PSPC1: variants seen among roughly 807,000 people sequenced by gnomAD.
PSPC1 encodes paraspeckle component 1.
Under a neutral mutation model 51.6 loss-of-function variants are expected in PSPC1, and 14 were observed. That is an observed-to-expected ratio of 0.27 (90% CI 0.18 to 0.42). The LOEUF is 0.42. Among genes scored for constraint, PSPC1 ranks in the 10% least tolerant of loss-of-function variants. The pLI is 1.00. For missense variants in PSPC1, 406 were observed against 701.1 expected, an observed-to-expected ratio of 0.58 and a Z score of 4.75; for synonymous variants, 193 against 231.9, an observed-to-expected ratio of 0.83 and a Z score of 1.53.
chr13:19,690,000 C>T (rs530014816), intron 6 of PSPC1, among the ~76,000 whole-genome samples: 17 of 152,268 alleles, frequency 1.1e-4, no homozygotes, highest in Admixed American at 2.0e-4. Flanking sequence ...TTAAGAACTC[C>T]TCAGAGTATC....
chr13:19,742,481 G>A (rs1021024270), intron 4 of PSPC1, among the ~76,000 whole-genome samples: 1 of 151,682 alleles, frequency 6.6e-6, no homozygotes, highest in African/African-American at 2.4e-5. Flanking sequence ...CCTCACAGGT[G>A]GAATCTCAAC....
At chr13:19,755,375 G>A (rs1886967215) in intron 3 of PSPC1, among the ~76,000 whole-genome samples, 3 of 152,068 alleles carry the variant, frequency 2.0e-5, no homozygotes, top group African/African-American at 7.2e-5. Flanking sequence ...AGATCACAAG[G>A]TCGGGAGTTC....
In PSPC1 at chr13:19,782,554, C is replaced by T. The variant is rs760326518; in HGVS notation, c.204G>A (p.Lys68=). Residue 68 remains lysine (K), a synonymous_variant, in exon 1 of 9, where the codon AAG becomes AAA. Coordinates refer to ENST00000338910, the MANE Select transcript of PSPC1 (RefSeq NM_001354909.2). The surrounding 1 kb of genome is among the most constrained non-coding windows in gnomAD (Gnocchi z 4.5). ...DEEMGFTIDI[K]SFLKPGEKTY... is the part of the protein sequence containing the mutation. ...TCTTCTCGCCCGGCTTGAGGAAACT[C>T]TTGATGTCGATAGTGAACCCCATCT... 6.2e-7 allele frequency: 1 copy of T among 1,612,128 alleles called. No individual in the cohort carries two copies. The highest frequency in any genetic ancestry group is 8.5e-7 in the Non-Finnish European group (1 of 1,179,228).
chr13:19,696,475 A>G (rs1178275225), intron 6 of PSPC1, among the ~76,000 whole-genome samples: 1 of 151,204 alleles, frequency 6.6e-6, no homozygotes, highest in Non-Finnish European at 1.5e-5. Flanking sequence ...CATAATTTTG[A>G]GTAGGCCTTT....
At chr13:19,742,974 G>A (rs1885587942) in intron 4 of PSPC1, among the ~76,000 whole-genome samples, 1 of 152,104 alleles carries the variant, frequency 6.6e-6, no homozygotes, top group Non-Finnish European at 1.5e-5. Flanking sequence ...GATAAATGCT[G>A]ATATAAACAA....
chr13:19,709,158 C>CA (rs11446310), intron 7 of PSPC1, among the ~76,000 whole-genome samples: 56,527 of 83,730 alleles, frequency 0.68, 20,223 homozygotes, highest in East Asian at 0.84. Context: ...GGTCCTGCCT[C>CA]AAAAAAAAAA....
At chr13:19,771,433 T>C (rs1482493019) in intron 2 of PSPC1, among the ~76,000 whole-genome samples, 1 of 152,016 alleles carries the variant, frequency 6.6e-6, no homozygotes, top group Non-Finnish European at 1.5e-5. Context: ...CCACCGCGCC[T>C]GGCCCAAGGT....
intron 6 of PSPC1, among the ~76,000 whole-genome samples, chr13:19,716,461 TTGAG>T (rs1317362498): frequency 2.0e-5 from 3 of 152,192 alleles, no homozygotes; most frequent in Non-Finnish European, 4.4e-5. Context: ...TAACTCTTGT[TTGAG>T]TGAATGCAAT....
At chr13:19,746,940 T>C (rs1886058101) in intron 4 of PSPC1, among the ~76,000 whole-genome samples, 1 of 152,016 alleles carries the variant, frequency 6.6e-6, no homozygotes, top group South Asian at 2.1e-4. Context: ...AGAAACCCCA[T>C]CTCTACTAAA....
At chr13:19,730,623 A>G (rs1883932877) in intron 5 of PSPC1, among the ~76,000 whole-genome samples, 1 of 152,090 alleles carries the variant, frequency 6.6e-6, no homozygotes, top group East Asian at 1.9e-4. Context: ...AGAAATTGAG[A>G]GTCAAAAAAA....
chr13:19,746,557 T>C (rs569755036), intron 4 of PSPC1, among the ~76,000 whole-genome samples: 1 of 151,434 alleles, frequency 6.6e-6, no homozygotes, highest in African/African-American at 2.4e-5. Flanking sequence ...AAGCCCTGTC[T>C]CTACCAAAAA....
chr13:19,745,048 C>T (rs1353309857), intron 4 of PSPC1, among the ~76,000 whole-genome samples: 2 of 152,142 alleles, frequency 1.3e-5, no homozygotes, highest in Non-Finnish European at 2.9e-5. Flanking sequence ...GAGGCTGCCT[C>T]GGCCTCCGAA....
At chr13:19,752,167 G>C (rs1304106721) in intron 3 of PSPC1, among the ~76,000 whole-genome samples, 4 of 152,178 alleles carry the variant, frequency 2.6e-5, no homozygotes, top group Non-Finnish European at 4.4e-5. Flanking sequence ...TGAGCGTTAT[G>C]TGCCAATTAA....
chr13:19,760,499 G>A (rs1305832653), intron 2 of PSPC1, among the ~76,000 whole-genome samples: 1 of 151,028 alleles, frequency 6.6e-6, no homozygotes, highest in Non-Finnish European at 1.5e-5. Flanking sequence ...CTGTACTCCA[G>A]CCTGGGCGAC....
intron 6 of PSPC1, among the ~76,000 whole-genome samples, chr13:19,691,447 T>TCC (rs1297312466): frequency 6.6e-6 from 1 of 152,048 alleles, no homozygotes; most frequent in Non-Finnish European, 1.5e-5. Flanking sequence ...CACTTGGGCC[T>TCC]AGGAGTTTGA....
intron 6 of PSPC1, among the ~76,000 whole-genome samples, chr13:19,719,733 T>C (rs1290678955): frequency 3.9e-5 from 6 of 152,228 alleles, no homozygotes; most frequent in Non-Finnish European, 8.8e-5. Context: ...TGTTTTTTAA[T>C]ACATAGGGTG....
At chr13:19,740,529 A>G (rs1346819773) in intron 5 of PSPC1, among the ~76,000 whole-genome samples, 1 of 152,140 alleles carries the variant, frequency 6.6e-6, no homozygotes, top group Non-Finnish European at 1.5e-5. Context: ...TTCCCCATGA[A>G]CACCTTATTT....
At chr13:19,748,633 A>G (rs1886235080) in intron 4 of PSPC1, among the ~76,000 whole-genome samples, 1 of 152,074 alleles carries the variant, frequency 6.6e-6, no homozygotes, top group African/African-American at 2.4e-5. Context: ...CTGACATTAA[A>G]GATGTGCTAA....
chr13:19,674,762 C>T (rs573046355), exon 8 of PSPC1: 3 of 152,126 alleles, frequency 2.0e-5, no homozygotes, highest in Admixed American at 6.6e-5. Context: ...TAAAGAAGTT[C>T]GAAATGTTTA....
Sources: gnomAD v4.1 joint callset for allele counts (sites outside exome capture counted in the v4.1 genomes callset) on GRCh38, gnomAD v4.1.1 for gene constraint, Gnocchi (gnomAD v3.1) non-coding constraint, MANE v1.5 for transcripts, NCBI Gene and HGNC (gene_info 2026-07-23, HGNC 2026-07-21) for gene names.